Variants in SCHIP1 observed in about 807,000 individuals in gnomAD.
SCHIP1 encodes schwannomin-interacting protein 1.
A neutral mutation model predicts 29.7 loss-of-function variants in SCHIP1; 8 were observed. The ratio of observed to expected loss-of-function variants is 0.27; its 90% confidence interval spans 0.16 to 0.49. The LOEUF is 0.49. Ranked by LOEUF, SCHIP1 falls within the 20% of genes least tolerant of loss-of-function variation. The pLI is 0.99. For synonymous variants in SCHIP1, 76 were observed against 94.9 expected (o/e 0.80, Z 1.16); for missense variants, 193 against 294.6 (o/e 0.66, Z 2.52).
the SCHIP1 span, among the ~76,000 whole-genome samples, chr3:159,442,642 T>C: frequency 0.28 from 42,993 of 152,084 alleles, 8,199 homozygotes; most frequent in African/African-American, 0.55. Context: ...CTTTCAGAAC[T>C]GGGTACCCAC....
the SCHIP1 span, among the ~76,000 whole-genome samples, chr3:159,582,815 C>CACACAG: frequency 2.6e-5 from 4 of 151,088 alleles, no homozygotes; most frequent in Admixed American, 1.3e-4. Flanking sequence ...CACACACACA[C>CACACAG]ACACATTCAA....
the SCHIP1 span, among the ~76,000 whole-genome samples, chr3:159,811,740 T>G: frequency 9.2e-5 from 14 of 152,202 alleles, no homozygotes; most frequent in Non-Finnish European, 1.6e-4. Flanking sequence ...ACTTTGTTCT[T>G]TTTTAAGATT....
the SCHIP1 span, among the ~76,000 whole-genome samples, chr3:159,521,268 A>G: frequency 6.6e-6 from 1 of 152,220 alleles, no homozygotes; most frequent in South Asian, 2.1e-4. Context: ...AAATGCAAGT[A>G]TTGAACAGGT....
At chr3:159,273,845 A>G in the SCHIP1 span, 1 of 1,613,626 alleles carries the variant, frequency 6.2e-7, no homozygotes, top group Non-Finnish European at 8.5e-7. Context: ...GCAGCGTGTT[A>G]CAACGTGGGA....
At chr3:159,636,144 G>A in the SCHIP1 span, among the ~76,000 whole-genome samples, 1 of 152,226 alleles carries the variant, frequency 6.6e-6, no homozygotes, top group Non-Finnish European at 1.5e-5. Flanking sequence ...TGCCTTTTGG[G>A]TTCAAGTGAT....
the SCHIP1 span, among the ~76,000 whole-genome samples, chr3:159,564,058 T>G: frequency 1.3e-5 from 2 of 152,178 alleles, no homozygotes; most frequent in Non-Finnish European, 2.9e-5. Flanking sequence ...AGCCAAATCA[T>G]GCACTTTCCT....
the SCHIP1 span, among the ~76,000 whole-genome samples, chr3:159,392,305 C>A: frequency 6.6e-6 from 1 of 151,902 alleles, no homozygotes; most frequent in Admixed American, 6.6e-5. Flanking sequence ...CTTGCCAGCA[C>A]TCTTTTTTTC....
the SCHIP1 span, among the ~76,000 whole-genome samples, chr3:159,687,270 C>G: frequency 1.3e-5 from 2 of 152,066 alleles, no homozygotes; most frequent in Admixed American, 6.6e-5. Flanking sequence ...TCCCACTCCT[C>G]TCCCCACCAA....
the SCHIP1 span, among the ~76,000 whole-genome samples, chr3:159,512,147 AC>A: frequency 6.6e-6 from 1 of 152,164 alleles, no homozygotes; most frequent in African/African-American, 2.4e-5. Context: ...ATAATGGGAG[AC>A]AGAGAGGGAA....
chr3:159,564,567 G>T, the SCHIP1 span, among the ~76,000 whole-genome samples: 1 of 152,078 alleles, frequency 6.6e-6, no homozygotes, highest in South Asian at 2.1e-4. Context: ...GTAGAGACAG[G>T]GTTTCTCCAT....
the SCHIP1 span, among the ~76,000 whole-genome samples, chr3:159,521,206 A>G: frequency 6.6e-6 from 1 of 152,240 alleles, no homozygotes. Flanking sequence ...ATGTATAGTC[A>G]GCATACAGAG....
the SCHIP1 span, among the ~76,000 whole-genome samples, chr3:159,367,429 T>C: frequency 2.0e-5 from 3 of 151,862 alleles, no homozygotes; most frequent in African/African-American, 7.3e-5. Flanking sequence ...CAGGAAAAAT[T>C]CTGTAGTCTC....
chr3:159,323,564 T>A, the SCHIP1 span, among the ~76,000 whole-genome samples: 3 of 152,262 alleles, frequency 2.0e-5, no homozygotes, highest in Non-Finnish European at 4.4e-5. Flanking sequence ...ACCTGTCTCC[T>A]ATTGATGAAC....
chr3:159,485,882 G>A, the SCHIP1 span, among the ~76,000 whole-genome samples: 1 of 152,102 alleles, frequency 6.6e-6, no homozygotes, highest in Non-Finnish European at 1.5e-5. Flanking sequence ...TTATTTTGCT[G>A]TTCTAGAAGT....
upstream of SCHIP1, among the ~76,000 whole-genome samples, chr3:159,835,853 G>C (rs1241076365): frequency 6.6e-6 from 1 of 151,874 alleles, no homozygotes; most frequent in Non-Finnish European, 1.5e-5. Context: ...TATATTTATT[G>C]TCCAAAACCC....
the SCHIP1 span, among the ~76,000 whole-genome samples, chr3:159,461,410 G>A: frequency 5.9e-5 from 9 of 151,952 alleles, no homozygotes; most frequent in Non-Finnish European, 5.9e-5. Flanking sequence ...TCATGCTGTG[G>A]AATACACTGC....
chr3:159,730,399 C>A, the SCHIP1 span, among the ~76,000 whole-genome samples: 1 of 152,200 alleles, frequency 6.6e-6, no homozygotes, highest in South Asian at 2.1e-4. Context: ...GTGGGTTAAT[C>A]TGCATAAAGC....
the SCHIP1 span, among the ~76,000 whole-genome samples, chr3:159,316,274 A>G: frequency 6.6e-6 from 1 of 152,152 alleles, no homozygotes; most frequent in Non-Finnish European, 1.5e-5. Flanking sequence ...CAAGCTGAGG[A>G]GCAAGGAGAG....
At chr3:159,290,439 G>A in the SCHIP1 span, among the ~76,000 whole-genome samples, 2 of 152,072 alleles carry the variant, frequency 1.3e-5, no homozygotes, top group Non-Finnish European at 2.9e-5. Context: ...AAAGTGGGCA[G>A]GGATGAAAAT....
Sources: gnomAD v4.1 joint callset for allele counts (sites outside exome capture counted in the v4.1 genomes callset) on GRCh38, gnomAD v4.1.1 for gene constraint, MANE v1.5 for transcripts, NCBI Gene and HGNC (gene_info 2026-07-23, HGNC 2026-07-21) for gene names.